Variants in SPRY3 observed in about 807,000 individuals in gnomAD.
SPRY3 encodes the protein sprouty RTK signaling antagonist 3, also known as protein sprouty homolog 3.
A neutral mutation model predicts 20.2 loss-of-function variants in SPRY3; 15 were observed. That is an observed-to-expected ratio of 0.74 (90% CI 0.50 to 1.14). SPRY3 has a LOEUF of 1.14. SPRY3 is among the 50% of genes most tolerant of loss of function. The pLI, the probability that SPRY3 is intolerant of heterozygous loss-of-function variation, is 0.00. For missense variants in SPRY3, 364 were observed against 363.9 expected (o/e 1.00, Z 0.00); for synonymous variants, 143 against 136.5 (o/e 1.05, Z -0.33).
At chrX:155,712,416 T>G (rs956440541) in intron 2 of SPRY3, among the ~76,000 whole-genome samples, 1 of 151,988 alleles carries the variant, frequency 6.6e-6, no homozygotes, top group African/African-American at 2.4e-5. Flanking sequence ...CTTGCTGAAT[T>G]GGCCCCATAA....
In SPRY3 at chrX:155,763,154, C is replaced by G. The variant is rs940529412; in HGVS notation, c.-281-4808C>G. Among the ~76,000 whole-genome samples, 9 of 152,174 alleles carry G rather than the reference C, an allele frequency of 5.9e-5. No individual in the cohort carries two copies. The South Asian group carries it at 1.7e-3, about 28-fold the overall frequency. On this transcript the variant is annotated intron_variant, in intron 2 of 3. Transcript: ENST00000675360. ...TCATGTTCTCACTTATAAGTGGGAG[C>G]TTAACATTGGGTACTCAGGGACATA...
At chrX:155,664,573 A>G (rs1344883905) in intron 2 of SPRY3, among the ~76,000 whole-genome samples, 1 of 110,672 alleles carries the variant, frequency 9.0e-6, no homozygotes, top group African/African-American at 3.3e-5. Context: ...AATGATTAGT[A>G]TATGACATAT....
exon 4 of SPRY3, chrX:155,774,432 T>C: frequency 6.2e-7 from 1 of 1,614,030 alleles, no homozygotes; most frequent in Non-Finnish European, 8.5e-7. Flanking sequence ...ATGGCACTTG[T>C]CTCTGCTGTG....
intron 2 of SPRY3, among the ~76,000 whole-genome samples, chrX:155,732,680 T>C (rs1448371203): frequency 2.0e-5 from 3 of 150,800 alleles, no homozygotes; most frequent in Admixed American, 1.3e-4. Context: ...AATCAGTATA[T>C]TGAAGAGATA....
At chrX:155,705,898 A>G (rs764956934) in intron 2 of SPRY3, among the ~76,000 whole-genome samples, 1 of 151,492 alleles carries the variant, frequency 6.6e-6, no homozygotes, top group Non-Finnish European at 1.5e-5. Context: ...CTGAAATTGA[A>G]GAATACAGAA....
At chrX:155,719,616 G>T (rs998356792) in intron 2 of SPRY3, among the ~76,000 whole-genome samples, 3 of 152,006 alleles carry the variant, frequency 2.0e-5, no homozygotes, top group Non-Finnish European at 4.4e-5. Context: ...ACTTTGTCTT[G>T]CATCTTGGAT....
intron 2 of SPRY3, among the ~76,000 whole-genome samples, chrX:155,721,073 A>G (rs2091054220): frequency 6.6e-6 from 1 of 152,202 alleles, no homozygotes; most frequent in African/African-American, 2.4e-5. Flanking sequence ...ATTATATCAG[A>G]TAAACTTAAC....
intron 1 of SPRY3, among the ~76,000 whole-genome samples, chrX:155,651,510 T>A (rs1364864271): frequency 1.8e-5 from 2 of 112,182 alleles, no homozygotes; most frequent in East Asian, 5.6e-4. Flanking sequence ...AATGTCTATA[T>A]CTTTTGTCCA....
At chrX:155,717,549 C>T (rs1037718739) in intron 2 of SPRY3, among the ~76,000 whole-genome samples, 1 of 152,040 alleles carries the variant, frequency 6.6e-6, no homozygotes, top group Admixed American at 6.6e-5. Flanking sequence ...AATGCTCTCC[C>T]TCCTCTTGCC....
chrX:155,754,002 T>C (rs886097880), intron 2 of SPRY3, among the ~76,000 whole-genome samples: 10 of 152,002 alleles, frequency 6.6e-5, no homozygotes, highest in African/African-American at 1.2e-4. Context: ...TTATCAGATA[T>C]ATGACTGGTA....
intron 1 of SPRY3, among the ~76,000 whole-genome samples, chrX:155,620,724 T>C (rs1312958089): frequency 8.9e-6 from 1 of 112,016 alleles, no homozygotes; most frequent in Non-Finnish European, 1.9e-5. Context: ...TTCGGAGTGA[T>C]GATAATGTTC....
At chrX:155,696,175 A>G (rs911282590) in intron 2 of SPRY3, among the ~76,000 whole-genome samples, 9 of 108,901 alleles carry the variant, frequency 8.3e-5, no homozygotes, top group Non-Finnish European at 1.7e-4. Context: ...TTTTGTTTAT[A>G]CTTCACAATT....
At chrX:155,719,042 G>A (rs1203126355) in intron 2 of SPRY3, among the ~76,000 whole-genome samples, 3 of 152,312 alleles carry the variant, frequency 2.0e-5, no homozygotes, top group Admixed American at 2.0e-4. Flanking sequence ...TTAGCTGAAA[G>A]AGGCACTGAA....
chrX:155,681,198 G>A (rs182378404), intron 2 of SPRY3, among the ~76,000 whole-genome samples: 2 of 111,247 alleles, frequency 1.8e-5, no homozygotes, highest in East Asian at 5.7e-4. Context: ...TCATGGGGGC[G>A]GTTTCCCCCA....
At chrX:155,740,979 G>A (rs1020951244) in intron 2 of SPRY3, among the ~76,000 whole-genome samples, 26 of 152,078 alleles carry the variant, frequency 1.7e-4, no homozygotes, top group African/African-American at 1.9e-4. Flanking sequence ...TCAGCCGGCC[G>A]ACACTTATGG....
At chrX:155,767,761 G>A (rs1293916074) in intron 2 of SPRY3, 64 of 140,154 alleles carry the variant, frequency 4.6e-4, no homozygotes, top group African/African-American at 2.0e-3. Context: ...GGAGAGAGAG[G>A]AGGAGGAGGA....
At chrX:155,696,320 C>A (rs1199322018) in intron 2 of SPRY3, among the ~76,000 whole-genome samples, 3 of 107,962 alleles carry the variant, frequency 2.8e-5, no homozygotes, top group Non-Finnish European at 5.8e-5. Context: ...ATAATTGGTC[C>A]GTACAGCACT....
In SPRY3 at chrX:155,717,941, G is replaced by A. The variant is rs143965355; in HGVS notation, c.-281-50021G>A. Among the ~76,000 whole-genome samples the A allele has an allele frequency of 5.2e-3, 797 of 152,060 alleles. 6 individuals carry two copies. The highest frequency in any genetic ancestry group is 0.018 in the African/African-American group (755 of 41,472). On this transcript the variant is annotated intron_variant, in intron 2 of 3. Coordinates refer to ENST00000675360, the Ensembl canonical transcript of SPRY3. ...GTGTAGGTCCTGCCCTATGCTCCAA[G>A]TCAAGCCAGCATCTTCTGTCAGTGA...
At position 155,647,940 on chromosome X, in the gene SPRY3, A is replaced by G. The variant is rs782258589; in HGVS notation, c.-440-8927A>G. Among the ~76,000 whole-genome samples, 27 of 111,466 alleles carry G rather than the reference A, an allele frequency of 2.4e-4. No individual in the cohort carries two copies. In the East Asian group the frequency reaches 7.1e-3, roughly 29 times the overall value. On this transcript the variant is annotated intron_variant, in intron 1 of 3. Transcript: ENST00000675360. ...CCACCAACAGTGTAAAAGTGTTCCTATTTCTCCACATCCTCTCCAGCATCT... is the reference window on the plus strand; with the variant it reads ...CCACCAACAGTGTAAAAGTGTTCCTGTTTCTCCACATCCTCTCCAGCATCT...
Sources: gnomAD v4.1 joint callset for allele counts (sites outside exome capture counted in the v4.1 genomes callset) on GRCh38, gnomAD v4.1.1 for gene constraint, MANE v1.5 for transcripts, NCBI Gene and HGNC (gene_info 2026-07-23, HGNC 2026-07-21) for gene names.